Variants in CCDC144A observed in about 807,000 individuals in gnomAD.
The protein encoded by CCDC144A is coiled-coil domain-containing protein 144A.
Under a neutral mutation model 143.8 loss-of-function variants are expected in CCDC144A, and 41 were observed. That is an observed-to-expected ratio of 0.29 (90% CI 0.22 to 0.37). CCDC144A has a LOEUF of 0.37. Among genes scored for constraint, CCDC144A ranks in the 10% least tolerant of loss-of-function variants. The pLI, the probability that CCDC144A is intolerant of heterozygous loss-of-function variation, is 1.00. For synonymous variants in CCDC144A, 242 were observed against 517.9 expected (o/e 0.47, Z 7.23); for missense variants, 637 against 1,488.8 (o/e 0.43, Z 9.41).
At chr17:16,729,991 T>TATATATATATATATACATAC (rs1491438660) in intron 9 of CCDC144A, among the ~76,000 whole-genome samples, 1 of 114,886 alleles carries the variant, frequency 8.7e-6, no homozygotes, top group African/African-American at 3.3e-5. Flanking sequence ...TATATATATA[T>TATATATATATATATACATAC]ACACACATAC....
chr17:16,737,957 C>CTT (rs547712631), intron 12 of CCDC144A, among the ~76,000 whole-genome samples: 4 of 146,616 alleles, frequency 2.7e-5, no homozygotes, highest in African/African-American at 8.2e-5. Flanking sequence ...AGTTGAGAGG[C>CTT]TTTTTTTTTC....
chr17:16,732,617 C>T lies in CCDC144A; in HGVS notation c.2369C>T (p.Thr790Met), dbSNP rs756977711. ...DARILQDQIL[T>M]SKQKELEMAR... ...AGAATATTACAAGATCAGATTCTGACGAGTAAACAAAAGGAACTAGAAATG... is the reference window on the plus strand; with the variant it reads ...AGAATATTACAAGATCAGATTCTGATGAGTAAACAAAAGGAACTAGAAATG... Residue 790 changes from threonine (T) to methionine (M), a missense_variant, in exon 11 of 17, where the codon ACG becomes ATG. Thr to Met is a moderately conservative substitution (Grantham distance 81, BLOSUM62 -1). Transcript: ENST00000399273. 56 of 1,610,958 alleles carry T rather than the reference C, an allele frequency of 3.5e-5. No homozygotes were observed. The highest frequency in any genetic ancestry group is 1.1e-4 in the East Asian group (5 of 44,832).
intron 13 of CCDC144A, among the ~76,000 whole-genome samples, chr17:16,762,070 G>T (rs1032564634): frequency 2.0e-5 from 3 of 152,148 alleles, no homozygotes; most frequent in Non-Finnish European, 2.9e-5. Context: ...TTTTAACTTG[G>T]TTCTGTCATT....
At chr17:16,703,408 TTAAAA>T (rs1177890403) in intron 2 of CCDC144A, among the ~76,000 whole-genome samples, 16 of 152,100 alleles carry the variant, frequency 1.1e-4, no homozygotes, top group Non-Finnish European at 4.4e-5. Context: ...AAATAAATAA[TTAAAA>T]TAAAGAAAAA....
At position 16,732,556 on chromosome 17, in the gene CCDC144A, G is replaced by A. The variant is rs764010373; in HGVS notation, c.2308G>A (p.Asp770Asn). ...NLDLVVQERN[D>N]AQKQLSEEQD... ...TCTCTAGGTTGTGCAGGAGAGAAAC[G>A]ATGCCCAGAAGCAACTTTCTGAAGA... The change falls in exon 11 of 17, where the codon GAT becomes AAT. Residue 770 changes from aspartate (D) to asparagine (N), a missense_variant. Asp to Asn is a conservative substitution (Grantham distance 23). Transcript: ENST00000399273. The A allele has an allele frequency of 5.0e-6, 8 of 1,608,820 alleles. No individual in the cohort carries two copies. The highest frequency in any genetic ancestry group is 2.2e-5 in the South Asian group (2 of 89,492).
the CCDC144A span, among the ~76,000 whole-genome samples, chr17:16,682,236 TGTGA>T: frequency 2.0e-5 from 3 of 148,328 alleles, no homozygotes; most frequent in Non-Finnish European, 4.5e-5. Flanking sequence ...TGTGTGTGTG[TGTGA>T]GATGGAGAGA....
chr17:16,741,205 A>T (rs1597574590), intron 12 of CCDC144A, among the ~76,000 whole-genome samples: 2 of 152,374 alleles, frequency 1.3e-5, no homozygotes, highest in South Asian at 4.1e-4. Context: ...TAAGAACAAC[A>T]TTCGTTAAGT....
chr17:16,686,071 C>T (rs1446945187), upstream of CCDC144A, among the ~76,000 whole-genome samples: 4 of 150,350 alleles, frequency 2.7e-5, no homozygotes, highest in South Asian at 2.1e-4. Flanking sequence ...CATGAGCCAC[C>T]GAGCCCGGCT....
intron 2 of CCDC144A, among the ~76,000 whole-genome samples, chr17:16,693,372 A>G (rs968603852): frequency 1.3e-4 from 19 of 151,140 alleles, no homozygotes; most frequent in Admixed American, 2.6e-4. Context: ...GCTGGAGTGC[A>G]GTGGTGCGAT....
At chr17:16,766,237 T>A (rs1915590908) in intron 15 of CCDC144A, 1 of 152,346 alleles carries the variant, frequency 6.6e-6, no homozygotes, top group Admixed American at 6.5e-5. Context: ...GATTAGCTTT[T>A]CCAAAGGAGA....
chr17:16,734,248 A>G (rs1011137044), intron 11 of CCDC144A, among the ~76,000 whole-genome samples: 4 of 152,200 alleles, frequency 2.6e-5, no homozygotes, highest in Non-Finnish European at 4.4e-5. Flanking sequence ...AAATAGCTAT[A>G]GAATATTCTC....
intron 2 of CCDC144A, among the ~76,000 whole-genome samples, chr17:16,698,428 G>A (rs1911539505): frequency 1.3e-5 from 2 of 152,140 alleles, no homozygotes; most frequent in African/African-American, 4.8e-5. Flanking sequence ...CTGTTTATGT[G>A]ATCAGTACTT....
rs1915996392 is a variant in CCDC144A at position 16,776,188 on chromosome 17, C to T, written c.*2555C>T. 6.6e-6 allele frequency: 1 copy of T among 152,244 alleles called. No homozygotes were observed. Among genetic ancestry groups the T allele is most frequent in the South Asian group, 2.1e-4 (1 of 4,832 alleles). 9.4% of individuals were successfully genotyped at this position (152,244 alleles called of 1,614,324 possible). A position where few individuals can be genotyped will look rare whatever the true frequency, so the allele number is the denominator to read the frequency against. ...CTTAGGATTGTCTTGGCTATTTGGG[C>T]TCTTTTTTGGTTCCATATGAATTTT... On this transcript the variant is annotated 3_prime_UTR_variant, in exon 17 of 17. Coordinates refer to ENST00000399273, the MANE Select transcript of CCDC144A (RefSeq NM_001382000.1).
upstream of CCDC144A, among the ~76,000 whole-genome samples, chr17:16,685,942 T>A (rs1910761794): frequency 6.6e-6 from 1 of 150,800 alleles, no homozygotes; most frequent in South Asian, 2.1e-4. Flanking sequence ...TGGCTATTTT[T>A]TTTTTTTTTT....
chr17:16,757,519 G>T (rs1217245077), intron 12 of CCDC144A, among the ~76,000 whole-genome samples: 1 of 152,242 alleles, frequency 6.6e-6, no homozygotes, highest in East Asian at 1.9e-4. Flanking sequence ...TGCTCCTCAG[G>T]GTCCTGGACA....
intron 15 of CCDC144A, among the ~76,000 whole-genome samples, chr17:16,768,328 T>C (rs969431374): frequency 7.9e-5 from 12 of 152,194 alleles, no homozygotes; most frequent in African/African-American, 2.9e-4. Flanking sequence ...ACAGGTCCTA[T>C]TAAGAATTCC....
intron 15 of CCDC144A, among the ~76,000 whole-genome samples, chr17:16,768,696 G>A (rs1345549875): frequency 3.3e-5 from 5 of 152,164 alleles, no homozygotes; most frequent in Non-Finnish European, 7.3e-5. Flanking sequence ...GTAATCTCAA[G>A]TATAATTTAG....
chr17:16,744,087 A>G (rs2143285837), intron 12 of CCDC144A, among the ~76,000 whole-genome samples: 1 of 152,300 alleles, frequency 6.6e-6, no homozygotes, highest in East Asian at 1.9e-4. Flanking sequence ...TGCATCATTG[A>G]TGAGCTTCTG....
chr17:16,686,091 GTTTTTTT>G (rs67135656), upstream of CCDC144A, among the ~76,000 whole-genome samples: 1 of 114,710 alleles, frequency 8.7e-6, no homozygotes, highest in Non-Finnish European at 1.8e-5. Flanking sequence ...TGTTTTTTTT[GTTTTTTT>G]TTTTTTTTTT....
Sources: allele counts gnomAD v4.1 joint callset (sites outside exome capture counted in the v4.1 genomes callset), GRCh38; gene constraint gnomAD v4.1.1; transcripts MANE v1.5; gene names NCBI Gene and HGNC (gene_info 2026-07-23, HGNC 2026-07-21).